The following LINGO2 variants were observed in gnomAD, a reference collection of about 807,000 sequenced individuals.
LINGO2 encodes leucine rich repeat and Ig domain containing 2.
In LINGO2, 14 loss-of-function variants were observed where a neutral mutation model predicts 30.6. That is an observed-to-expected ratio of 0.46 (90% confidence interval 0.30 to 0.72). The LOEUF (loss-of-function observed/expected upper bound fraction) is 0.72, where lower values mean the gene tolerates loss of function less well. Ranked by LOEUF, LINGO2 falls within the 30% of genes least tolerant of loss-of-function variation. The pLI is 0.07. For missense variants in LINGO2, 729 were observed against 751.7 expected, an observed-to-expected ratio of 0.97 and a Z score of 0.35; for synonymous variants, 317 against 288.5, an observed-to-expected ratio of 1.10 and a Z score of -1.00.
chr9:29,026,838 T>C, the LINGO2 span, among the ~76,000 whole-genome samples: 1 of 152,186 alleles, frequency 6.6e-6, no homozygotes, highest in Non-Finnish European at 1.5e-5. Context: ...ACAACCTCTA[T>C]GAGCTAAATT....
At chr9:28,963,933 A>G in the LINGO2 span, among the ~76,000 whole-genome samples, 1 of 151,914 alleles carries the variant, frequency 6.6e-6, no homozygotes, top group Non-Finnish European at 1.5e-5. Flanking sequence ...GGTTTCAAAT[A>G]TTACCAAGAC....
intron 1 of LINGO2, among the ~76,000 whole-genome samples, chr9:28,657,195 C>A (rs1435222243): frequency 6.6e-6 from 1 of 150,862 alleles, no homozygotes; most frequent in East Asian, 2.0e-4. Context: ...ATATATATAA[C>A]AAAATTCACC....
the LINGO2 span, among the ~76,000 whole-genome samples, chr9:29,162,961 CTA>C: frequency 6.6e-6 from 1 of 152,058 alleles, no homozygotes; most frequent in African/African-American, 2.4e-5. Context: ...CTTACAGACT[CTA>C]TCAAAGAGAC....
intron 4 of LINGO2, among the ~76,000 whole-genome samples, chr9:28,082,908 A>G (rs1825812203): frequency 6.6e-6 from 1 of 152,024 alleles, no homozygotes. Context: ...TCTGGTTTCA[A>G]ATTTTCCCTC....
At chr9:28,040,152 C>T (rs1563935537) in intron 4 of LINGO2, among the ~76,000 whole-genome samples, 1 of 151,712 alleles carries the variant, frequency 6.6e-6, no homozygotes, top group Non-Finnish European at 1.5e-5. Context: ...CTAAATTTTG[C>T]CTTCTTTATT....
At chr9:28,563,033 G>A (rs918036026) in intron 1 of LINGO2, among the ~76,000 whole-genome samples, 3 of 152,064 alleles carry the variant, frequency 2.0e-5, no homozygotes. Context: ...TTTTAGTAGA[G>A]ATGGGGTTTC....
intron 4 of LINGO2, among the ~76,000 whole-genome samples, chr9:28,185,403 T>C (rs1474286983): frequency 6.6e-6 from 1 of 152,174 alleles, no homozygotes. Flanking sequence ...ATATTCATTC[T>C]GCATAATCAT....
the LINGO2 span, among the ~76,000 whole-genome samples, chr9:29,149,077 C>T: frequency 6.6e-6 from 1 of 152,066 alleles, no homozygotes; most frequent in South Asian, 2.1e-4. Flanking sequence ...TAGATAAAAT[C>T]CTCAGAGAAT....
At chr9:28,609,336 A>G (rs1233325557) in intron 1 of LINGO2, among the ~76,000 whole-genome samples, 1 of 151,964 alleles carries the variant, frequency 6.6e-6, no homozygotes, top group Non-Finnish European at 1.5e-5. Context: ...ATGTTCTAAC[A>G]TATGTGATAG....
At chr9:28,465,856 A>T (rs1355315917) in intron 2 of LINGO2, among the ~76,000 whole-genome samples, 1 of 152,198 alleles carries the variant, frequency 6.6e-6, no homozygotes, top group Non-Finnish European at 1.5e-5. Context: ...GCATATGAAA[A>T]AGGTACTCAA....
intron 4 of LINGO2, among the ~76,000 whole-genome samples, chr9:28,290,524 G>T (rs1444227828): frequency 6.6e-6 from 1 of 152,116 alleles, no homozygotes; most frequent in Non-Finnish European, 1.5e-5. Flanking sequence ...CAACAATATC[G>T]CCAAGGAAGA....
At chr9:28,367,424 A>G (rs1466557697) in intron 3 of LINGO2, among the ~76,000 whole-genome samples, 1 of 152,018 alleles carries the variant, frequency 6.6e-6, no homozygotes, top group Non-Finnish European at 1.5e-5. Context: ...GCTGTTCTCT[A>G]GAGGGGCTGC....
intron 2 of LINGO2, among the ~76,000 whole-genome samples, chr9:28,434,930 G>A (rs1455388514): frequency 6.6e-6 from 1 of 152,020 alleles, no homozygotes; most frequent in African/African-American, 2.4e-5. Context: ...CCATTCTATT[G>A]TTAGCTTAGA....
At chr9:29,211,287 CATTT>C in the LINGO2 span, among the ~76,000 whole-genome samples, 23 of 152,138 alleles carry the variant, frequency 1.5e-4, no homozygotes, top group Non-Finnish European at 2.8e-4. Flanking sequence ...AGCACTCTTT[CATTT>C]ATTTATTTAT....
intron 1 of LINGO2, among the ~76,000 whole-genome samples, chr9:28,550,599 A>G (rs1822224841): frequency 6.6e-6 from 1 of 151,696 alleles, no homozygotes; most frequent in East Asian, 1.9e-4. Context: ...ATCAACAGAC[A>G]CTCTATGGTA....
the LINGO2 span, among the ~76,000 whole-genome samples, chr9:28,802,902 A>G: frequency 6.6e-6 from 1 of 152,036 alleles, no homozygotes; most frequent in Admixed American, 6.6e-5. Flanking sequence ...GCACTTCAGG[A>G]TATTGTCACC....
At chr9:28,444,292 G>C (rs921778051) in intron 2 of LINGO2, among the ~76,000 whole-genome samples, 1 of 152,180 alleles carries the variant, frequency 6.6e-6, no homozygotes, top group African/African-American at 2.4e-5. Context: ...CCTTCTGGTG[G>C]CCCAGACTTT....
At chr9:28,966,218 G>A in the LINGO2 span, among the ~76,000 whole-genome samples, 2 of 152,138 alleles carry the variant, frequency 1.3e-5, no homozygotes, top group Non-Finnish European at 2.9e-5. Context: ...GCTAATGTCT[G>A]AAAAGCAGAG....
At chr9:28,814,512 T>C in the LINGO2 span, among the ~76,000 whole-genome samples, 1 of 152,206 alleles carries the variant, frequency 6.6e-6, no homozygotes, top group Non-Finnish European at 1.5e-5. Flanking sequence ...TCCAGACTAC[T>C]GTCATAGCCC....
Sources: allele counts gnomAD v4.1 joint callset (sites outside exome capture counted in the v4.1 genomes callset), GRCh38; gene constraint gnomAD v4.1.1; transcripts MANE v1.5; gene names NCBI Gene and HGNC (gene_info 2026-07-23, HGNC 2026-07-21).